RAI14: variants seen among roughly 807,000 people sequenced by gnomAD.
RAI14 encodes the protein retinoic acid induced 14.
Under a neutral mutation model 115.4 loss-of-function variants are expected in RAI14, and 45 were observed. The observed-to-expected ratio is 0.39, with a 90% CI of 0.31 to 0.50. The LOEUF is 0.50. Ranked by LOEUF, RAI14 falls within the 20% of genes least tolerant of loss-of-function variation. RAI14 has a pLI of 0.85. For synonymous variants in RAI14, 371 were observed against 415.4 expected (o/e 0.89, Z 1.30); for missense variants, 939 against 1,131.2 (o/e 0.83, Z 2.44).
intron 2 of RAI14, among the ~76,000 whole-genome samples, chr5:34,738,675 C>A (rs565314063): frequency 4.6e-5 from 7 of 152,304 alleles, no homozygotes; most frequent in African/African-American, 1.7e-4. Context: ...AGACATTTTC[C>A]TGGCAGACAA....
chr5:34,733,735 C>T (rs2150028683), intron 2 of RAI14, among the ~76,000 whole-genome samples: 1 of 152,312 alleles, frequency 6.6e-6, no homozygotes, highest in Non-Finnish European at 1.5e-5. Flanking sequence ...ACTGGGGTCA[C>T]AGGGAAGGTG....
At chr5:34,752,523 G>C (rs1212123545) in intron 2 of RAI14, among the ~76,000 whole-genome samples, 1 of 151,894 alleles carries the variant, frequency 6.6e-6, no homozygotes, top group African/African-American at 2.4e-5. Flanking sequence ...GGGACGCAAT[G>C]GAGTAGAGAA....
chr5:34,664,645 G>T (rs1012357144), intron 1 of RAI14, among the ~76,000 whole-genome samples: 2 of 151,574 alleles, frequency 1.3e-5, no homozygotes. Flanking sequence ...ATTTCCATGG[G>T]TTATTGGGGA....
intron 3 of RAI14, among the ~76,000 whole-genome samples, chr5:34,777,042 G>T (rs997105408): frequency 1.3e-5 from 2 of 151,376 alleles, no homozygotes; most frequent in African/African-American, 4.9e-5. Flanking sequence ...ATAGTGGCAT[G>T]CACCCGTAAT....
At chr5:34,806,598 G>GA (rs59316727) in intron 5 of RAI14, among the ~76,000 whole-genome samples, 1,616 of 152,142 alleles carry the variant, frequency 0.011, 39 homozygotes, top group African/African-American at 0.037. Context: ...TACATGTGGG[G>GA]TGAGGAAGAG....
chr5:34,795,814 G>C (rs1300513704), intron 3 of RAI14, 125 bp from the exon 4 acceptor site: 17 of 650,106 alleles, frequency 2.6e-5, no homozygotes, highest in Non-Finnish European at 4.3e-5. Context: ...TAGTCAGTGG[G>C]TGCTTGTAGA....
intron 1 of RAI14, among the ~76,000 whole-genome samples, chr5:34,683,832 A>G (rs376024242): frequency 6.6e-6 from 1 of 150,848 alleles, no homozygotes; most frequent in African/African-American, 2.4e-5. Flanking sequence ...GGTTCACGCC[A>G]TTCTCCTGCC....
rs1756854069 is a variant in RAI14, at chr5:34,821,745, A to G, written c.1008A>G (p.Leu336=). ...LSDSTTGADS[L]LDISSEADQQ... is the part of the protein sequence containing the mutation. ...CTCTTTCCCAAGGTGCTGATAGCTT[A>G]TTGGATATAAGTTCTGAAGCTGACC... is the stretch of plus-strand genomic sequence containing the variant. Residue 336 remains leucine (L), a synonymous_variant, in exon 14 of 18, where the codon TTA becomes TTG. Coordinates refer to ENST00000265109, the MANE Select transcript of RAI14 (RefSeq NM_015577.3). The G allele has an allele frequency of 6.2e-7, 1 of 1,603,080 alleles. No homozygotes were observed. Among genetic ancestry groups the G allele is most frequent in the African/African-American group, 1.3e-5 (1 of 74,664 alleles).
chr5:34,782,666 C>T (rs184154735), intron 3 of RAI14, among the ~76,000 whole-genome samples: 7 of 152,272 alleles, frequency 4.6e-5, no homozygotes, highest in Non-Finnish European at 2.9e-5. Flanking sequence ...TGTTTAGCTC[C>T]TACAGTGGGC....
In RAI14 at chr5:34,725,962, C is replaced by CAAAAAAAA. The variant is rs199657623; in HGVS notation, c.37-31497_37-31490dup. On this transcript the variant is annotated intron_variant, in intron 2 of 17. Transcript: ENST00000265109. ...GGGCAACAGGAGCGAAACTGCTTCT[C>CAAAAAAAA]AAAAAAAAAAAAAAAAGCCACAAAT... Among the ~76,000 whole-genome samples the CAAAAAAAA allele has an allele frequency of 1.8e-5, 2 of 113,740 alleles. 1 individual carries two copies. Among genetic ancestry groups the CAAAAAAAA allele is most frequent in the Admixed American group, 1.9e-4 (2 of 10,422 alleles). The allele number at this position is 113,740 out of a possible 152,430, so 74.6% of individuals were successfully genotyped here. A position where few individuals can be genotyped will look rare whatever the true frequency, so the allele number is the denominator to read the frequency against.
chr5:34,744,940 T>C (rs1745975560), intron 2 of RAI14, among the ~76,000 whole-genome samples: 1 of 152,208 alleles, frequency 6.6e-6, no homozygotes. Flanking sequence ...CCTTGGTTAA[T>C]GGCAGCATAA....
intron 16 of RAI14, 40 bp from the exon 17 acceptor site, chr5:34,829,692 C>T: frequency 6.5e-7 from 1 of 1,544,454 alleles, no homozygotes; most frequent in Non-Finnish European, 8.9e-7. Flanking sequence ...CTTTAAAGAT[C>T]TCTTAAGCTC....
chr5:34,688,500 G>A (rs1044923516), intron 2 of RAI14, among the ~76,000 whole-genome samples: 4 of 151,994 alleles, frequency 2.6e-5, no homozygotes, highest in African/African-American at 9.7e-5. Flanking sequence ...GGGTGTTGCT[G>A]GAATCTAGTT....
chr5:34,800,798 T>C (rs917786898), intron 4 of RAI14, among the ~76,000 whole-genome samples: 1 of 152,232 alleles, frequency 6.6e-6, no homozygotes, highest in African/African-American at 2.4e-5. Context: ...CATCTTGTCT[T>C]TGGAGAACCA....
chr5:34,674,732 C>T (rs932639099), intron 1 of RAI14, among the ~76,000 whole-genome samples: 1 of 151,840 alleles, frequency 6.6e-6, no homozygotes, highest in African/African-American at 2.4e-5. Context: ...GGATTACAGG[C>T]ATCCGCTACC....
chr5:34,708,449 G>C (rs549341378), intron 2 of RAI14, among the ~76,000 whole-genome samples: 2 of 152,098 alleles, frequency 1.3e-5, no homozygotes, highest in Non-Finnish European at 2.9e-5. Context: ...TGATCCGCCC[G>C]CCCCAGCCTC....
In RAI14 at chr5:34,688,078, T is replaced by TA. The variant is rs528842296; in HGVS notation, c.36+1127dup. 344 of 1,456,576 alleles carry TA rather than the reference T, an allele frequency of 2.4e-4. 2 individuals carry two copies. The African/African-American group carries it at 3.6e-3, about 15-fold the overall frequency. 90.2% of individuals were successfully genotyped at this position (1,456,576 alleles called of 1,614,324 possible). ...CTTCTTATCCTTTAGGTAAATTAAATAAAACTCATAGAGTGCAAAGAGACT... is the reference window on the plus strand; with the variant it reads ...CTTCTTATCCTTTAGGTAAATTAAATAAAAACTCATAGAGTGCAAAGAGACT... On this transcript the variant is annotated intron_variant, in intron 2 of 17. Coordinates refer to ENST00000265109, the MANE Select transcript of RAI14 (RefSeq NM_015577.3).
chr5:34,715,451 AAC>A (rs1294859943), intron 2 of RAI14, among the ~76,000 whole-genome samples: 1 of 152,058 alleles, frequency 6.6e-6, no homozygotes, highest in African/African-American at 2.4e-5. Flanking sequence ...AGGTAATTTC[AAC>A]AGTTTCTTTT....
Position 34,823,035 on chromosome 5 carries a change from T to C in RAI14, c.1193T>C (p.Leu398Pro). The change falls in exon 15 of 18, where the codon CTG becomes CCG. Residue 398 changes from leucine (L) to proline (P), a missense_variant. By Grantham distance (98) the Leu-to-Pro change is moderately conservative. Transcript: ENST00000265109. The surrounding 1 kb of genome is among the most constrained non-coding windows in gnomAD (Gnocchi z 4.5). ...HSTQTDLGPSLGKPGETSPPD... is the reference protein window; with the variant it reads ...HSTQTDLGPSPGKPGETSPPD... ...ACCCAAACTGACTTGGGCCCATCCC[T>C]GGGAAAACCTGGTGAAACCTCTCCC... The C allele has an allele frequency of 6.2e-7, 1 of 1,613,976 alleles. No homozygotes were observed. Among genetic ancestry groups the C allele is most frequent in the Non-Finnish European group, 8.5e-7 (1 of 1,179,882 alleles).
Sources: gnomAD v4.1 joint callset for allele counts (sites outside exome capture counted in the v4.1 genomes callset) on GRCh38, gnomAD v4.1.1 for gene constraint, Gnocchi (gnomAD v3.1) non-coding constraint, MANE v1.5 for transcripts, NCBI Gene and HGNC (gene_info 2026-07-23, HGNC 2026-07-21) for gene names.